The following VGLL4 variants were observed in gnomAD, a reference collection of about 807,000 sequenced individuals.
VGLL4 encodes the protein transcription cofactor vestigial-like protein 4.
VGLL4 carries 7 observed loss-of-function variants against 21.0 expected under a neutral mutation model. The ratio of observed to expected loss-of-function variants is 0.33; its 90% CI spans 0.19 to 0.63. The LOEUF (loss-of-function observed/expected upper bound fraction) is 0.63, where lower values mean the gene tolerates loss of function less well. VGLL4 is among the 20% of genes least tolerant of loss of function. The pLI, the probability that VGLL4 is intolerant of heterozygous loss-of-function variation, is 0.78. For synonymous variants in VGLL4, 222 were observed against 173.2 expected, an observed-to-expected ratio of 1.28 and a Z score of -2.21; for missense variants, 394 against 425.7, an observed-to-expected ratio of 0.93 and a Z score of 0.66.
intron 2 of VGLL4, among the ~76,000 whole-genome samples, chr3:11,670,296 A>G (rs978658617): frequency 3.3e-5 from 5 of 151,946 alleles, no homozygotes; most frequent in Admixed American, 3.3e-4. Flanking sequence ...ACGTTGGAAA[A>G]CCTTTGTCCT....
intron 2 of VGLL4, among the ~76,000 whole-genome samples, chr3:11,585,455 G>A (rs1410398918): frequency 6.6e-6 from 1 of 151,448 alleles, no homozygotes; most frequent in Non-Finnish European, 1.5e-5. Context: ...AAGAGAGAGA[G>A]AGAGGGAGAG....
chr3:11,706,616 A>G (rs568364054), intron 1 of VGLL4, among the ~76,000 whole-genome samples: 1 of 152,322 alleles, frequency 6.6e-6, no homozygotes, highest in East Asian at 1.9e-4. Flanking sequence ...GTGTGTTTCA[A>G]AAAGCCACTT....
chr3:11,595,612 T>C (rs2125253132), intron 2 of VGLL4, among the ~76,000 whole-genome samples: 1 of 152,050 alleles, frequency 6.6e-6, no homozygotes, highest in East Asian at 1.9e-4. Context: ...ATAGACTGGA[T>C]TAAGAAAATG....
At chr3:11,658,641 T>G (rs1446638167) in intron 2 of VGLL4, among the ~76,000 whole-genome samples, 2 of 151,616 alleles carry the variant, frequency 1.3e-5, no homozygotes, top group Non-Finnish European at 2.9e-5. Context: ...TTCCTGGATC[T>G]TTCCTTTTAT....
chr3:11,599,131 T>C (rs1295431729), intron 2 of VGLL4, among the ~76,000 whole-genome samples: 1 of 152,150 alleles, frequency 6.6e-6, no homozygotes, highest in Admixed American at 6.5e-5. Context: ...AAATCTGTCA[T>C]TAGGCTCTTA....
intron 1 of VGLL4, among the ~76,000 whole-genome samples, chr3:11,606,796 C>A (rs1381852666): frequency 1.3e-5 from 2 of 152,212 alleles, no homozygotes; most frequent in Non-Finnish European, 2.9e-5. Flanking sequence ...AAGCTGGCCA[C>A]TCCAGCCAGC....
At chr3:11,679,266 G>A (rs2076337516) in intron 2 of VGLL4, among the ~76,000 whole-genome samples, 1 of 152,136 alleles carries the variant, frequency 6.6e-6, no homozygotes, top group African/African-American at 2.4e-5. Context: ...GGGACAAAAT[G>A]TGGAGGTGCA....
intron 2 of VGLL4, among the ~76,000 whole-genome samples, chr3:11,584,273 CAGA>C (rs1362396876): frequency 5.9e-5 from 9 of 152,208 alleles, no homozygotes; most frequent in Admixed American, 2.0e-4. Flanking sequence ...ATCATGGTCA[CAGA>C]AGAAGAAATG....
intron 2 of VGLL4, among the ~76,000 whole-genome samples, chr3:11,566,886 C>G (rs1239721286): frequency 2.0e-5 from 3 of 152,064 alleles, no homozygotes; most frequent in African/African-American, 4.8e-5. Context: ...AGAGACTTAA[C>G]GGGTGAATGA....
chr3:11,559,539 G>C (rs988317011), intron 3 of VGLL4, 84 bp from the exon 4 acceptor site: 7 of 1,434,556 alleles, frequency 4.9e-6, no homozygotes, highest in Non-Finnish European at 6.4e-6. Flanking sequence ...CACCCTTCAG[G>C]CTCTGTCCTG....
rs1026639877 is a variant in VGLL4, at chr3:11,675,358, A to C, written c.64+27613T>G. On this transcript the variant is annotated intron_variant, in intron 2 of 5. Transcript: ENST00000273038. ...AAGGCACTGTCTCAAAAAATAAAAA[A>C]TAAAAAAATAAAAAAATGTAACATA... 2.0e-4 allele frequency among the ~76,000 whole-genome samples: 21 copies of C among 103,900 alleles called. No homozygotes were observed. The East Asian group carries it at 4.3e-3, about 21-fold the overall frequency. 68.2% of individuals were successfully genotyped at this position (103,900 alleles called of 152,430 possible).
At chr3:11,670,993 T>C (rs913038306) in intron 2 of VGLL4, among the ~76,000 whole-genome samples, 5 of 152,178 alleles carry the variant, frequency 3.3e-5, no homozygotes, top group East Asian at 3.9e-4. Flanking sequence ...GCTGAGATCG[T>C]GCCATTGCAC....
intron 1 of VGLL4, among the ~76,000 whole-genome samples, chr3:11,710,122 C>T (rs1177046448): frequency 6.6e-6 from 1 of 152,170 alleles, no homozygotes; most frequent in African/African-American, 2.4e-5. Context: ...AGAGAACTCA[C>T]GCATCACCAA....
In VGLL4 at chr3:11,656,301, G is replaced by C. The variant is rs141035325; in HGVS notation, c.64+46670C>G. Among the ~76,000 whole-genome samples the C allele has an allele frequency of 2.8e-3, 427 of 152,326 alleles. 2 individuals are homozygous for C. In the Middle Eastern group the frequency reaches 0.034, roughly 12 times the overall value. ...GGATGGAAGCAGGCCTCTGTGGAAA[G>C]TGACATCTGATTAAGTTTGAGGTGT... is the stretch of plus-strand genomic sequence containing the variant. On this transcript the variant is annotated intron_variant, in intron 2 of 5. Coordinates refer to the VGLL4 transcript ENST00000273038.
intron 3 of VGLL4, among the ~76,000 whole-genome samples, chr3:11,561,633 G>A: frequency 6.6e-6 from 1 of 152,148 alleles, no homozygotes; most frequent in East Asian, 1.9e-4. Flanking sequence ...CAGGCCTCCA[G>A]ATGGTGAGCG....
At chr3:11,605,992 C>T (rs1354639648) in intron 1 of VGLL4, among the ~76,000 whole-genome samples, 2 of 152,190 alleles carry the variant, frequency 1.3e-5, no homozygotes, top group East Asian at 3.8e-4. Flanking sequence ...TCTGTTCTCA[C>T]GTTGCTGATA....
At chr3:11,609,759 G>A (rs544677450) in intron 1 of VGLL4, among the ~76,000 whole-genome samples, 2 of 152,314 alleles carry the variant, frequency 1.3e-5, no homozygotes, top group African/African-American at 4.8e-5. Context: ...GGGAGGCGAT[G>A]GCATGGCTCT....
At chr3:11,560,465 G>A (rs560079171) in intron 3 of VGLL4, among the ~76,000 whole-genome samples, 164 of 152,286 alleles carry the variant, frequency 1.1e-3, no homozygotes, top group African/African-American at 3.5e-3. Flanking sequence ...CCAGAGGGAC[G>A]CTGGGCCTTA....
At chr3:11,665,537 C>A (rs904068364) in intron 2 of VGLL4, among the ~76,000 whole-genome samples, 2 of 152,208 alleles carry the variant, frequency 1.3e-5, no homozygotes, top group Non-Finnish European at 1.5e-5. Context: ...TGAGTGACTC[C>A]GGAGTGGCAG....
Sources: allele counts gnomAD v4.1 joint callset (sites outside exome capture counted in the v4.1 genomes callset), GRCh38; gene constraint gnomAD v4.1.1; transcripts MANE v1.5; gene names NCBI Gene and HGNC (gene_info 2026-07-23, HGNC 2026-07-21).